Variants in RARB observed in about 807,000 individuals in gnomAD.
RARB encodes the protein retinoic acid receptor beta, also known as HBV-activated protein.
A neutral mutation model predicts 51.9 loss-of-function variants in RARB; 17 were observed. The observed-to-expected ratio is 0.33, with a 90% CI of 0.22 to 0.49. The LOEUF (loss-of-function observed/expected upper bound fraction) is 0.49. Among genes scored for constraint, RARB ranks in the 20% least tolerant of loss-of-function variants. The probability of loss-of-function intolerance (pLI) is 0.99; values close to 1 mark genes in which losing one functional copy is unlikely to be tolerated. For synonymous variants in RARB, 215 were observed against 195.4 expected, an observed-to-expected ratio of 1.10 and a Z score of -0.84; for missense variants, 369 against 550.8, an observed-to-expected ratio of 0.67 and a Z score of 3.30.
chr3:25,295,150 C>A lies in RARB; in HGVS notation c.178+120575C>A, dbSNP rs1289771355. Among the ~76,000 whole-genome samples, 4 of 152,258 alleles carry A rather than the reference C, an allele frequency of 2.6e-5. No homozygotes were observed. The East Asian group carries it at 7.7e-4, about 29-fold the overall frequency. On this transcript the variant is annotated intron_variant, in intron 5 of 11. Coordinates refer to the RARB transcript ENST00000383772. ...AGTTAAGAGCAAGAGCTCTTAAGTACTTGTGTTCAAATCCTGGTTGTGCTT... is the reference window on the plus strand; with the variant it reads ...AGTTAAGAGCAAGAGCTCTTAAGTAATTGTGTTCAAATCCTGGTTGTGCTT...
chr3:25,032,274 A>C (rs1157017960), intron 2 of RARB, among the ~76,000 whole-genome samples: 1 of 152,212 alleles, frequency 6.6e-6, no homozygotes, highest in Non-Finnish European at 1.5e-5. Context: ...TGCATAATGG[A>C]ACCTGCCTTT....
chr3:25,195,822 T>C (rs978026636), intron 5 of RARB, among the ~76,000 whole-genome samples: 2 of 152,138 alleles, frequency 1.3e-5, no homozygotes, highest in South Asian at 2.1e-4. Context: ...TGATAAAATA[T>C]GAAAATGTAA....
intron 5 of RARB, among the ~76,000 whole-genome samples, chr3:25,216,711 G>A (rs1701841764): frequency 6.7e-6 from 1 of 150,242 alleles, no homozygotes; most frequent in Non-Finnish European, 1.5e-5. Flanking sequence ...TTTTTTTTTA[G>A]AAGAAACAAA....
In RARB at chr3:25,267,061, C is replaced by T. The variant is rs142379668; in HGVS notation, c.178+92486C>T. 2.0e-4 allele frequency among the ~76,000 whole-genome samples: 31 copies of T among 152,280 alleles called. 1 individual carries two copies. In the East Asian group the frequency reaches 5.8e-3, roughly 28 times the overall value. On this transcript the variant is annotated intron_variant, in intron 5 of 11. Transcript: ENST00000383772. ...AAATGCTCTGTGATTCTGACCCCTT[C>T]CCTGAAGCTCTTTAGGCATAAATAT...
intron 5 of RARB, among the ~76,000 whole-genome samples, chr3:25,191,025 T>C (rs1165381987): frequency 6.6e-6 from 1 of 152,144 alleles, no homozygotes; most frequent in African/African-American, 2.4e-5. Flanking sequence ...CACGTTTGTT[T>C]TGTAAAAAAC....
At chr3:25,001,826 C>T (rs1239032408) in intron 2 of RARB, among the ~76,000 whole-genome samples, 1 of 152,154 alleles carries the variant, frequency 6.6e-6, no homozygotes, top group Non-Finnish European at 1.5e-5. Context: ...CTTATCACTA[C>T]TACGCATCCA....
intron 1 of RARB, among the ~76,000 whole-genome samples, chr3:25,452,153 G>C (rs1376730731): frequency 6.6e-6 from 1 of 152,202 alleles, no homozygotes. Context: ...GTGACTGTAA[G>C]AGAGGATTTA....
intron 5 of RARB, among the ~76,000 whole-genome samples, chr3:25,198,261 C>G (rs191052050): frequency 3.3e-5 from 5 of 152,138 alleles, no homozygotes; most frequent in Admixed American, 3.3e-4. Context: ...TTACCATATA[C>G]AAAAATGATA....
chr3:25,466,346 G>A (rs1695430558), intron 2 of RARB, among the ~76,000 whole-genome samples: 1 of 151,994 alleles, frequency 6.6e-6, no homozygotes, highest in South Asian at 2.1e-4. Flanking sequence ...ACAAGCATGT[G>A]CCACCACACC....
At chr3:25,437,250 G>C (rs1708474932) in intron 1 of RARB, among the ~76,000 whole-genome samples, 1 of 151,794 alleles carries the variant, frequency 6.6e-6, no homozygotes, top group Admixed American at 6.6e-5. Flanking sequence ...CCTGATTCAG[G>C]GGCATCCATT....
At chr3:24,986,829 ACTC>A (rs1217315018) in intron 2 of RARB, among the ~76,000 whole-genome samples, 3 of 151,828 alleles carry the variant, frequency 2.0e-5, no homozygotes, top group East Asian at 1.9e-4. Flanking sequence ...TGTGCGGTGA[ACTC>A]CTACCCCTTT....
intron 5 of RARB, among the ~76,000 whole-genome samples, chr3:25,224,099 A>G (rs1702003953): frequency 6.6e-6 from 1 of 152,220 alleles, no homozygotes; most frequent in Non-Finnish European, 1.5e-5. Context: ...TCATTTTGAC[A>G]GAAGAGGAAA....
At chr3:25,368,606 G>C (rs952363586) in intron 5 of RARB, among the ~76,000 whole-genome samples, 1 of 152,166 alleles carries the variant, frequency 6.6e-6, no homozygotes, top group African/African-American at 2.4e-5. Flanking sequence ...GAAAACCTAG[G>C]TCATGATAAG....
At chr3:25,290,973 G>A (rs1030453931) in intron 5 of RARB, among the ~76,000 whole-genome samples, 2 of 152,152 alleles carry the variant, frequency 1.3e-5, no homozygotes, top group African/African-American at 4.8e-5. Flanking sequence ...TTTTCTATGA[G>A]CTTGCTCACA....
chr3:25,365,644 G>A (rs1285139933), intron 5 of RARB, among the ~76,000 whole-genome samples: 1 of 152,100 alleles, frequency 6.6e-6, no homozygotes, highest in African/African-American at 2.4e-5. Flanking sequence ...TGACTTGAAG[G>A]CCAGATATTG....
intron 2 of RARB, among the ~76,000 whole-genome samples, chr3:25,021,407 A>G (rs934718017): frequency 2.6e-5 from 4 of 152,062 alleles, no homozygotes; most frequent in South Asian, 2.1e-4. Context: ...CAAAAATACC[A>G]TAAGATCTCT....
chr3:25,411,643 A>C (rs527334328), intron 5 of RARB, among the ~76,000 whole-genome samples: 5 of 152,208 alleles, frequency 3.3e-5, no homozygotes, highest in Non-Finnish European at 7.3e-5. Context: ...CAGACACTCA[A>C]ATCGCCCGAG....
chr3:25,472,429 C>T (rs1181736431), intron 2 of RARB, among the ~76,000 whole-genome samples: 1 of 152,178 alleles, frequency 6.6e-6, no homozygotes, highest in African/African-American at 2.4e-5. Context: ...GTAGTCTAGC[C>T]ATGTGCTCAG....
At chr3:25,499,753 A>T (rs760528294) in intron 2 of RARB, among the ~76,000 whole-genome samples, 11 of 152,240 alleles carry the variant, frequency 7.2e-5, no homozygotes, top group South Asian at 2.1e-4. Context: ...TATGAGAAAG[A>T]TATTCAGGTA....
Sources: allele counts gnomAD v4.1 joint callset (sites outside exome capture counted in the v4.1 genomes callset), GRCh38; gene constraint gnomAD v4.1.1; transcripts MANE v1.5; gene names NCBI Gene and HGNC (gene_info 2026-07-23, HGNC 2026-07-21).